WARS2: variants seen among roughly 807,000 people sequenced by gnomAD.
WARS2 encodes tryptophan--tRNA ligase, mitochondrial.
A neutral mutation model predicts 36.5 loss-of-function variants in WARS2; 28 were observed. The ratio of observed to expected loss-of-function variants is 0.77; its 90% CI spans 0.57 to 1.05. The LOEUF (loss-of-function observed/expected upper bound fraction) is 1.05. Ranked by LOEUF, WARS2 falls within the 50% of genes least tolerant of loss-of-function variation. WARS2 has a pLI of 0.00. For synonymous variants in WARS2, 174 were observed against 178.4 expected, an observed-to-expected ratio of 0.98 and a Z score of 0.20; for missense variants, 435 against 456.8, an observed-to-expected ratio of 0.95 and a Z score of 0.44.
intron 1 of WARS2, chr1:119,085,272 G>A (rs1652542478): frequency 1.0e-5 from 10 of 966,398 alleles, no homozygotes; most frequent in Non-Finnish European, 1.7e-5. Flanking sequence ...TGCCCAACCA[G>A]AGTAGGCAGT....
intron 3 of WARS2, among the ~76,000 whole-genome samples, chr1:119,044,101 C>A (rs1030267513): frequency 5.9e-5 from 9 of 152,196 alleles, no homozygotes; most frequent in Non-Finnish European, 1.5e-5. Context: ...ATATCTCTAG[C>A]ACCTATTATG....
chr1:119,092,929 A>G (rs1462336163), intron 1 of WARS2, among the ~76,000 whole-genome samples: 8 of 152,178 alleles, frequency 5.3e-5, no homozygotes, highest in African/African-American at 1.9e-4. Flanking sequence ...AACCACAATC[A>G]TCTCACCTGT....
intron 5 of WARS2, among the ~76,000 whole-genome samples, chr1:119,033,686 G>A (rs915430479): frequency 6.6e-6 from 1 of 152,206 alleles, no homozygotes; most frequent in African/African-American, 2.4e-5. Flanking sequence ...GCTAGGCTAA[G>A]CTGTGATGTT....
At chr1:119,104,443 G>A (rs1654093502) in intron 1 of WARS2, among the ~76,000 whole-genome samples, 1 of 151,434 alleles carries the variant, frequency 6.6e-6, no homozygotes, top group African/African-American at 2.4e-5. Context: ...GATGCCTCAA[G>A]AAATTAACCA....
chr1:119,046,506 TC>T (rs1648851434), intron 2 of WARS2, among the ~76,000 whole-genome samples: 2 of 133,434 alleles, frequency 1.5e-5, no homozygotes. Context: ...TGTCACCACA[TC>T]CGGCTAATTT....
intron 1 of WARS2, among the ~76,000 whole-genome samples, chr1:119,134,754 C>T (rs587681090): frequency 6.6e-6 from 1 of 152,284 alleles, no homozygotes; most frequent in South Asian, 2.1e-4. Context: ...TGTGGCTGAG[C>T]AGCTTCTACC....
intron 1 of WARS2, among the ~76,000 whole-genome samples, chr1:119,100,729 C>T (rs1653794454): frequency 1.3e-5 from 2 of 152,126 alleles, no homozygotes; most frequent in African/African-American, 2.4e-5. Flanking sequence ...GGCCTGATCT[C>T]GGCTCACTGT....
At chr1:119,084,511 C>T (rs900725239) in intron 1 of WARS2, among the ~76,000 whole-genome samples, 27 of 151,940 alleles carry the variant, frequency 1.8e-4, no homozygotes, top group African/African-American at 6.5e-4. Context: ...GCCAATCAAA[C>T]AAAAAAGTTG....
intron 1 of WARS2, among the ~76,000 whole-genome samples, chr1:119,125,833 C>T (rs1655618424): frequency 1.3e-5 from 2 of 152,204 alleles, no homozygotes; most frequent in African/African-American, 4.8e-5. Context: ...AGGTAGACTA[C>T]CCATCCAATA....
intron 4 of WARS2, among the ~76,000 whole-genome samples, chr1:119,037,698 C>A (rs922876096): frequency 6.6e-6 from 1 of 152,204 alleles, no homozygotes; most frequent in East Asian, 1.9e-4. Context: ...GCTTTAAATT[C>A]TTCTGGCCAG....
intron 1 of WARS2, among the ~76,000 whole-genome samples, chr1:119,124,317 ACCCTGT>A (rs1430875685): frequency 6.6e-6 from 1 of 152,078 alleles, no homozygotes; most frequent in Non-Finnish European, 1.5e-5. Context: ...ACATAGTGAA[ACCCTGT>A]CTCTACTAAA....
rs148437530 is a variant in WARS2 at position 119,126,887 on chromosome 1, C to T, written c.90+13668G>A. 5.7e-3 allele frequency: 4,604 copies of T among 806,690 alleles called. 76 individuals carry two copies. The highest frequency in any genetic ancestry group is 0.039 in the Admixed American group (2,184 of 55,544). 50.0% of individuals were successfully genotyped at this position (806,690 alleles called of 1,614,324 possible). A position where few individuals can be genotyped will look rare whatever the true frequency, so the allele number is the denominator to read the frequency against. On this transcript the variant is annotated intron_variant, in intron 1 of 5. Transcript: ENST00000235521. ...GCTGAGCATAAGAGGTCTTCCGTAC[C>T]TGATTGTTGCATTTTTTAGTAAAAC...
intron 1 of WARS2, among the ~76,000 whole-genome samples, chr1:119,108,124 T>G (rs1654372638): frequency 6.6e-6 from 1 of 152,072 alleles, no homozygotes; most frequent in African/African-American, 2.4e-5. Context: ...TAAGACATAC[T>G]GATCTATAAT....
intron 2 of WARS2, among the ~76,000 whole-genome samples, chr1:119,061,005 A>G (rs1650331475): frequency 6.6e-6 from 1 of 152,158 alleles, no homozygotes; most frequent in Non-Finnish European, 1.5e-5. Context: ...AACTGGCAAA[A>G]TATTTCAATT....
At chr1:119,093,014 A>G (rs1399483185) in intron 1 of WARS2, among the ~76,000 whole-genome samples, 1 of 152,154 alleles carries the variant, frequency 6.6e-6, no homozygotes, top group African/African-American at 2.4e-5. Context: ...AAAGTAATGA[A>G]TCTCCACTGA....
At chr1:119,057,130 C>G (rs1341759677) in intron 2 of WARS2, among the ~76,000 whole-genome samples, 5 of 151,908 alleles carry the variant, frequency 3.3e-5, no homozygotes, top group African/African-American at 1.2e-4. Context: ...TTTTCATGTG[C>G]TTATTAGCCA....
In WARS2 at chr1:119,045,391, T is replaced by G. The variant is rs1432215097; in HGVS notation, c.429+191A>C. ...AGATAAAAACAATGAACCTAATTTT[T>G]AAGTCAGGAGGAATCTTGGAAAATC... On this transcript the variant is annotated intron_variant, in intron 3 of 5. Coordinates refer to ENST00000235521, the MANE Select transcript of WARS2 (RefSeq NM_015836.4). Among the ~76,000 whole-genome samples the G allele has an allele frequency of 2.0e-5, 3 of 152,200 alleles. No homozygotes were observed. In the East Asian group the frequency reaches 5.8e-4, roughly 29 times the overall value.
intron 1 of WARS2, among the ~76,000 whole-genome samples, chr1:119,097,903 G>A (rs796574704): frequency 7.2e-5 from 11 of 152,242 alleles, no homozygotes; most frequent in African/African-American, 2.6e-4. Context: ...TTCCCAAGAT[G>A]AGTAGGGAAA....
chr1:119,088,435 A>AGCACACAC (rs1652820654), intron 1 of WARS2, among the ~76,000 whole-genome samples: 1 of 149,064 alleles, frequency 6.7e-6, no homozygotes. Context: ...GAAACACTGA[A>AGCACACAC]ACACACACAC....
Sources: gnomAD v4.1 joint callset for allele counts (sites outside exome capture counted in the v4.1 genomes callset) on GRCh38, gnomAD v4.1.1 for gene constraint, MANE v1.5 for transcripts, NCBI Gene and HGNC (gene_info 2026-07-23, HGNC 2026-07-21) for gene names.